CSMD1: variants seen among roughly 807,000 people sequenced by gnomAD.
CSMD1 encodes CUB and Sushi multiple domains 1, also known as CUB and sushi domain-containing protein 1.
In CSMD1, 213 loss-of-function variants were observed where a neutral mutation model predicts 417.5. The observed-to-expected ratio is 0.51, with a 90% CI of 0.46 to 0.57. CSMD1 has a LOEUF of 0.57. CSMD1 is among the 20% of genes least tolerant of loss of function. The pLI is 0.00. For synonymous variants in CSMD1, 2,862 were observed against 1,736.8 expected (o/e 1.65, Z -16.11); for missense variants, 6,923 against 4,529.7 (o/e 1.53, Z -15.17).
rs182931097 is a variant in CSMD1, at chr8:4,003,190, G to A, written c.611-5080C>T. On this transcript the variant is annotated intron_variant, in intron 4 of 69. Coordinates refer to ENST00000635120, the MANE Select transcript of CSMD1 (RefSeq NM_033225.6). ...GGGTGGATCACGAGGTCAGGAGATC[G>A]AGACCATCCTGGCTAACATGGTGAA... 4.7e-4 allele frequency among the ~76,000 whole-genome samples: 71 copies of A among 152,148 alleles called. No individual in the cohort carries two copies. The East Asian group carries it at 7.2e-3, about 15-fold the overall frequency.
At chr8:3,734,006 G>A (rs1030200244) in intron 6 of CSMD1, among the ~76,000 whole-genome samples, 3 of 152,126 alleles carry the variant, frequency 2.0e-5, no homozygotes, top group African/African-American at 4.8e-5. Context: ...GTGCAAGGGT[G>A]TGAGTGTGTA....
At chr8:3,420,500 T>C (rs895630238) in intron 12 of CSMD1, among the ~76,000 whole-genome samples, 4 of 149,008 alleles carry the variant, frequency 2.7e-5, no homozygotes, top group African/African-American at 9.7e-5. Flanking sequence ...GTGATGCATG[T>C]ACCTAACGAT....
At chr8:4,991,695 G>C (rs572989461) in intron 1 of CSMD1, among the ~76,000 whole-genome samples, 1 of 152,104 alleles carries the variant, frequency 6.6e-6, no homozygotes, top group Non-Finnish European at 1.5e-5. Flanking sequence ...GACGCCCCCG[G>C]GGGGAGGCCC....
At chr8:4,320,241 A>G (rs548800591) in intron 3 of CSMD1, among the ~76,000 whole-genome samples, 3 of 152,338 alleles carry the variant, frequency 2.0e-5, no homozygotes, top group African/African-American at 7.2e-5. Flanking sequence ...AGGCATGAAA[A>G]GAAACAGGAA....
At chr8:3,006,115 T>G (rs1450598444) in intron 52 of CSMD1, among the ~76,000 whole-genome samples, 3 of 150,910 alleles carry the variant, frequency 2.0e-5, no homozygotes, top group South Asian at 4.2e-4. Context: ...ACAAGCATTC[T>G]TATACACCAA....
chr8:4,819,918 T>C (rs571969048), intron 1 of CSMD1, among the ~76,000 whole-genome samples: 2 of 152,354 alleles, frequency 1.3e-5, no homozygotes, highest in South Asian at 4.1e-4. Flanking sequence ...GAACCATTTA[T>C]GTTATCATAA....
In CSMD1 at chr8:2,951,116, G is replaced by A; in HGVS notation, c.10199C>T (p.Thr3400Ile). Residue 3400 changes from threonine to isoleucine, a missense_variant and splice_region_variant, in exon 66 of 70, where the codon ACA becomes ATA. Transcript: ENST00000635120. The stretch of plus-strand genomic sequence containing the variant: ...TTAGTGAATTCTTCGGGACCTACCT[G>A]TCAACTTCAGCTCCACTGGCGAGGC... ...SEASPVELKL[T>I]GIYKKEEAHL... 1 of 1,611,932 alleles carries A rather than the reference G, an allele frequency of 6.2e-7. No individual in the cohort carries two copies. The highest frequency in any genetic ancestry group is 8.5e-7 in the Non-Finnish European group (1 of 1,178,948).
At chr8:4,924,493 C>A (rs1168756927) in intron 1 of CSMD1, among the ~76,000 whole-genome samples, 1 of 152,006 alleles carries the variant, frequency 6.6e-6, no homozygotes, top group African/African-American at 2.4e-5. Context: ...GAGGCTGGGG[C>A]GGGTAGATCA....
intron 5 of CSMD1, among the ~76,000 whole-genome samples, chr8:3,966,787 C>A (rs1812707606): frequency 6.6e-6 from 1 of 151,820 alleles, no homozygotes; most frequent in South Asian, 2.1e-4. Flanking sequence ...ATTTATAGGT[C>A]TTAGATTAAA....
intron 3 of CSMD1, among the ~76,000 whole-genome samples, chr8:4,309,332 A>G (rs73191945): frequency 0.63 from 96,176 of 151,914 alleles, 31,434 homozygotes; most frequent in East Asian, 0.86. Context: ...ATAAAATGAG[A>G]TGAGAAGTTT....
At chr8:3,866,308 A>G (rs1805099672) in intron 5 of CSMD1, among the ~76,000 whole-genome samples, 1 of 152,238 alleles carries the variant, frequency 6.6e-6, no homozygotes, top group South Asian at 2.1e-4. Context: ...AAGCTGCTGT[A>G]AAAGGCTGGC....
intron 7 of CSMD1, among the ~76,000 whole-genome samples, chr8:3,623,996 A>C (rs185614536): frequency 2.1e-3 from 321 of 152,178 alleles, no homozygotes; most frequent in Middle Eastern, 6.8e-3. Flanking sequence ...CAAAACAAAA[A>C]AAAAACCTTT....
chr8:3,606,751 C>T (rs572468091), intron 8 of CSMD1, among the ~76,000 whole-genome samples: 1 of 151,190 alleles, frequency 6.6e-6, no homozygotes. Flanking sequence ...TCACTGGGTC[C>T]CCAGGCTGGG....
intron 2 of CSMD1, among the ~76,000 whole-genome samples, chr8:4,420,653 G>A (rs1797198722): frequency 6.6e-6 from 1 of 152,128 alleles, no homozygotes; most frequent in Non-Finnish European, 1.5e-5. Flanking sequence ...CTGTGTTTCA[G>A]TTGGATTCCA....
At chr8:3,844,317 C>G (rs1803341967) in intron 5 of CSMD1, among the ~76,000 whole-genome samples, 1 of 152,070 alleles carries the variant, frequency 6.6e-6, no homozygotes, top group South Asian at 2.1e-4. Flanking sequence ...ATTGGTGGAT[C>G]AATTTCAAGT....
At position 3,207,648 on chromosome 8, in the gene CSMD1, A is replaced by G. The variant is rs184686328; in HGVS notation, c.4868-2028T>C. ...GAAATTTCCTGAATCCCTGCATTAC[A>G]ATCGCTTGAAAAACTTAAGTTGTAT... On this transcript the variant is annotated intron_variant, in intron 30 of 69. Transcript: ENST00000635120. Among the ~76,000 whole-genome samples the G allele has an allele frequency of 2.8e-3, 426 of 152,256 alleles. 4 individuals carry two copies. The highest frequency in any genetic ancestry group is 0.016 in the South Asian group (79 of 4,822).
In CSMD1 at chr8:3,411,247, A is replaced by G. The variant is rs569308560; in HGVS notation, c.1562-1642T>C. 5.9e-5 allele frequency among the ~76,000 whole-genome samples: 9 copies of G among 152,296 alleles called. No individual in the cohort carries two copies. In the East Asian group the frequency reaches 1.7e-3, roughly 29 times the overall value. On this transcript the variant is annotated intron_variant, in intron 12 of 69. Transcript: ENST00000635120. ...GTGGTTTCTCTGGACACCAGTCCCA[A>G]AAGTGCATTGGTTTTACTTTTAGAA...
Position 3,888,779 on chromosome 8 carries a change from G to C in CSMD1, c.818+109124C>G, listed in dbSNP as rs1022124304. On this transcript the variant is annotated intron_variant, in intron 5 of 69. Transcript: ENST00000635120. ...GACCTTCCAAATGGTCCTTCCATTT[G>C]GGTCCTTCCAAATAGCCCTTCTAAA... is the stretch of plus-strand genomic sequence containing the variant. 2.0e-5 allele frequency among the ~76,000 whole-genome samples: 3 copies of C among 152,142 alleles called. No homozygotes were observed. The South Asian group carries it at 6.2e-4, about 32-fold the overall frequency.
At chr8:4,531,905 C>T (rs1370870348) in intron 2 of CSMD1, among the ~76,000 whole-genome samples, 1 of 151,820 alleles carries the variant, frequency 6.6e-6, no homozygotes, top group East Asian at 1.9e-4. Flanking sequence ...TTCACAGTCA[C>T]TCCGGAAAAG....
Sources: allele counts gnomAD v4.1 joint callset (sites outside exome capture counted in the v4.1 genomes callset), GRCh38; gene constraint gnomAD v4.1.1; transcripts MANE v1.5; gene names NCBI Gene and HGNC (gene_info 2026-07-23, HGNC 2026-07-21).